Variants in NEXMIF observed in about 807,000 individuals in gnomAD.
NEXMIF encodes XLMR protein related to neurite extension.
In NEXMIF, 8 loss-of-function variants were observed where a neutral mutation model predicts 62.1. The observed-to-expected ratio is 0.13, with a 90% CI of 0.08 to 0.23. NEXMIF has a LOEUF of 0.23. NEXMIF is among the 10% of genes least tolerant of loss of function. NEXMIF has a pLI of 1.00. For missense variants in NEXMIF, 976 were observed against 1,113.3 expected (o/e 0.88, Z 1.75); for synonymous variants, 404 against 416.6 (o/e 0.97, Z 0.37).
intron 1 of NEXMIF, among the ~76,000 whole-genome samples, chrX:74,861,097 A>T (rs1428978128): frequency 8.9e-6 from 1 of 112,012 alleles, no homozygotes. Context: ...AAGAACGATG[A>T]TAAAACATTA....
rs1292446747 is a variant in NEXMIF at position 74,796,182 on chromosome X, CATATATATTATATATATACAT to C, written c.-47-50506_-47-50486del. Among the ~76,000 whole-genome samples, 10 of 58,387 alleles carry C rather than the reference CATATATATTATATATATACAT, an allele frequency of 1.7e-4. No homozygotes were observed. In the South Asian group the frequency reaches 6.1e-3, roughly 35 times the overall value. 50.7% of individuals were successfully genotyped at this position (58,387 alleles called of 115,157 possible). ...ATATATTATATATATTATATATATA[CATATATATTATATATATACAT>C]ATATATTATATATATATACATATAT... is the stretch of plus-strand genomic sequence containing the variant. On this transcript the variant is annotated intron_variant, in intron 1 of 3. Coordinates refer to ENST00000055682, the MANE Select transcript of NEXMIF (RefSeq NM_001008537.3).
At chrX:74,814,990 AAG>A (rs936940083) in intron 1 of NEXMIF, among the ~76,000 whole-genome samples, 1 of 112,101 alleles carries the variant, frequency 8.9e-6, no homozygotes, top group African/African-American at 3.2e-5. Context: ...ACTAATCAGG[AAG>A]AGTCAATTTA....
At chrX:74,888,295 TAATAAAC>T (rs1447583513) in intron 1 of NEXMIF, among the ~76,000 whole-genome samples, 1 of 97,418 alleles carries the variant, frequency 1.0e-5, no homozygotes, top group Non-Finnish European at 2.1e-5. Flanking sequence ...ATAATAATAA[TAATAAAC>T]AAACAAACAA....
chrX:74,751,016 T>G (rs1033894969), intron 1 of NEXMIF, among the ~76,000 whole-genome samples: 1 of 111,230 alleles, frequency 9.0e-6, no homozygotes, highest in African/African-American at 3.3e-5. Flanking sequence ...TTGCTTGAGC[T>G]CAGAAGTTTG....
chrX:74,903,773 T>C (rs1177327569), intron 1 of NEXMIF, among the ~76,000 whole-genome samples: 1 of 111,527 alleles, frequency 9.0e-6, no homozygotes, highest in Non-Finnish European at 1.9e-5. Flanking sequence ...CTGACTAGAA[T>C]AATAAACCGT....
At chrX:74,796,184 T>TAC in intron 1 of NEXMIF, among the ~76,000 whole-genome samples, 1 of 71,568 alleles carries the variant, frequency 1.4e-5, no homozygotes, top group Non-Finnish European at 2.5e-5. Context: ...TATATATACA[T>TAC]ATATATTATA....
intron 1 of NEXMIF, among the ~76,000 whole-genome samples, chrX:74,820,023 T>A (rs983661315): frequency 7.7e-4 from 86 of 111,483 alleles, no homozygotes; most frequent in African/African-American, 2.7e-3. Flanking sequence ...AAGGATGAGT[T>A]CATGTCCTTT....
At chrX:74,881,268 C>T (rs1164170316) in intron 1 of NEXMIF, among the ~76,000 whole-genome samples, 1 of 110,625 alleles carries the variant, frequency 9.0e-6, no homozygotes, top group Non-Finnish European at 1.9e-5. Flanking sequence ...AGTGAATCTC[C>T]CCTCAAGTTC....
At chrX:74,819,779 C>T (rs757874127) in intron 1 of NEXMIF, among the ~76,000 whole-genome samples, 9 of 111,697 alleles carry the variant, frequency 8.1e-5, no homozygotes, top group Admixed American at 3.8e-4. Flanking sequence ...GACAGTGTAG[C>T]GATCCCTCAA....
At chrX:74,784,703 T>C (rs2080255742) in intron 1 of NEXMIF, among the ~76,000 whole-genome samples, 1 of 110,818 alleles carries the variant, frequency 9.0e-6, no homozygotes, top group African/African-American at 3.3e-5. Flanking sequence ...GCTCAAATCG[T>C]ATACATTTTT....
intron 1 of NEXMIF, among the ~76,000 whole-genome samples, chrX:74,792,232 A>G (rs1369666206): frequency 7.2e-5 from 8 of 111,376 alleles, no homozygotes; most frequent in Non-Finnish European, 1.5e-4. Context: ...TTCGTTATGT[A>G]CCCAGTAGTC....
At chrX:74,883,751 A>G (rs1478697247) in intron 1 of NEXMIF, among the ~76,000 whole-genome samples, 2 of 112,107 alleles carry the variant, frequency 1.8e-5, no homozygotes, top group African/African-American at 6.5e-5. Flanking sequence ...AACTTCCCCA[A>G]TCTAGCAAAG....
intron 1 of NEXMIF, among the ~76,000 whole-genome samples, chrX:74,831,417 C>G (rs963408296): frequency 2.1e-5 from 2 of 93,911 alleles, no homozygotes; most frequent in African/African-American, 8.1e-5. Context: ...TTGTTCAATT[C>G]CCACCTATGA....
At chrX:74,828,833 A>G (rs775083599) in intron 1 of NEXMIF, among the ~76,000 whole-genome samples, 47 of 111,693 alleles carry the variant, frequency 4.2e-4, no homozygotes, top group South Asian at 3.4e-3. Flanking sequence ...TCCCTTATCT[A>G]ATCTCTTCTT....
rs1344548263 is a variant in NEXMIF at position 74,902,722 on chromosome X, C to T, written c.-48+22161G>A. Among the ~76,000 whole-genome samples, 3 of 111,868 alleles carry T rather than the reference C, an allele frequency of 2.7e-5. No homozygotes were observed. The East Asian group carries it at 8.4e-4, about 31-fold the overall frequency. On this transcript the variant is annotated intron_variant, in intron 1 of 3. Coordinates refer to ENST00000055682, the MANE Select transcript of NEXMIF (RefSeq NM_001008537.3). The stretch of plus-strand genomic sequence containing the variant: ...GACAGTTGTGAGCTTTCTGTAGTGC[C>T]CCTCGCTTACCCCTTTCACCCATGC...
intron 1 of NEXMIF, among the ~76,000 whole-genome samples, chrX:74,834,381 T>G (rs1215408970): frequency 9.0e-6 from 1 of 111,302 alleles, no homozygotes; most frequent in Non-Finnish European, 1.9e-5. Context: ...TTTTTCTGTG[T>G]ACTTATTATT....
chrX:74,907,007 G>T (rs1573169), intron 1 of NEXMIF, among the ~76,000 whole-genome samples: 16,148 of 110,519 alleles, frequency 0.15, 1,784 homozygotes, highest in East Asian at 0.91. Context: ...CTTTTTCAGG[G>T]CACCTTATAA....
chrX:74,920,462 T>C lies in NEXMIF; in HGVS notation c.-48+4421A>G, dbSNP rs1345488582. Among the ~76,000 whole-genome samples, 5 of 111,556 alleles carry C rather than the reference T, an allele frequency of 4.5e-5. No individual in the cohort carries two copies. In the Admixed American group the frequency reaches 4.8e-4, roughly 11 times the overall value. Reference sequence around the variant, plus strand: ...TCTGTTCATATCCTTTGCCCACTTTTTGATGGGGTTGTTTGTTTTTTTCTT... The same window carrying C: ...TCTGTTCATATCCTTTGCCCACTTTCTGATGGGGTTGTTTGTTTTTTTCTT... On this transcript the variant is annotated intron_variant, in intron 1 of 3. Transcript: ENST00000055682.
intron 1 of NEXMIF, among the ~76,000 whole-genome samples, chrX:74,748,246 T>C (rs1253629195): frequency 8.9e-6 from 1 of 112,009 alleles, no homozygotes; most frequent in African/African-American, 3.2e-5. Flanking sequence ...GATATTAACT[T>C]AGTGATTATC....
Sources: allele counts gnomAD v4.1 joint callset (sites outside exome capture counted in the v4.1 genomes callset), GRCh38; gene constraint gnomAD v4.1.1; transcripts MANE v1.5; gene names NCBI Gene and HGNC (gene_info 2026-07-23, HGNC 2026-07-21).